The following RNF26 variants were observed in gnomAD, a reference collection of about 807,000 sequenced individuals.
RNF26 encodes the protein E3 ubiquitin-protein ligase RNF26.
RNF26 carries 8 observed loss-of-function variants against 25.4 expected under a neutral mutation model. The observed-to-expected ratio is 0.31, with a 90% confidence interval of 0.18 to 0.57. RNF26 has a LOEUF of 0.57. Ranked by LOEUF, RNF26 falls within the 20% of genes least tolerant of loss-of-function variation. RNF26 has a pLI of 0.90. For missense variants in RNF26, 470 were observed against 552.0 expected (o/e 0.85, Z 1.49); for synonymous variants, 262 against 246.7 (o/e 1.06, Z -0.58).
At position 119,335,527 on chromosome 11, in the gene RNF26, C is replaced by A; in HGVS notation, c.405C>A (p.Asp135Glu). 1 of 1,614,004 alleles carries A rather than the reference C, an allele frequency of 6.2e-7. No homozygotes were observed. Among genetic ancestry groups the A allele is most frequent in the Non-Finnish European group, 8.5e-7 (1 of 1,179,946 alleles). Residue 135 changes from aspartate (D) to glutamate (E), a missense_variant, in exon 1 of 1, where the codon GAC becomes GAA. Transcript: ENST00000311413. ...SGHALLRQAC[D>E]ICAIAMSLVA... ...ATGCTTTGCTGCGCCAGGCCTGTGA[C>A]ATCTGTGCCATTGCCATGAGCCTGG...
Position 119,336,524 on chromosome 11 carries a change from C to A in RNF26, c.*100C>A, listed in dbSNP as rs1267347599. 5.7e-6 allele frequency: 6 copies of A among 1,056,966 alleles called. No homozygotes were observed. The South Asian group carries it at 6.1e-5, about 11-fold the overall frequency. The allele number at this position is 1,056,966 out of a possible 1,614,324, so 65.5% of individuals were successfully genotyped here. On this transcript the variant is annotated 3_prime_UTR_variant, in exon 1 of 1. Coordinates refer to ENST00000311413, the MANE Select transcript of RNF26 (RefSeq NM_032015.5). ...CTCCGGGTCCTGGTCTGAATCCCCT[C>A]CTACCCCTGTGGCCATCCTGCCATA...
In RNF26 at chr11:119,335,250, T is replaced by C; in HGVS notation, c.128T>C (p.Val43Ala). The C allele has an allele frequency of 6.2e-7, 1 of 1,614,154 alleles. No homozygotes were observed. The highest frequency in any genetic ancestry group is 8.5e-7 in the Non-Finnish European group (1 of 1,180,028). The change falls in exon 1 of 1, where the codon GTC (valine) becomes GCC (alanine). Residue 43 changes from valine to alanine, a missense_variant. Val to Ala is a moderately conservative substitution (Grantham distance 64, BLOSUM62 0). Transcript: ENST00000311413. ...LASLAWLLAF[V>A]YNLPHTVLTS... Reference sequence around the variant, plus strand: ...TCCCTGGCCTGGCTCCTGGCCTTCGTCTACAACCTGCCGCACACGGTACTG... The same window carrying C: ...TCCCTGGCCTGGCTCCTGGCCTTCGCCTACAACCTGCCGCACACGGTACTG...
At position 119,336,083 on chromosome 11, in the gene RNF26, A is replaced by T. The variant is rs749532471; in HGVS notation, c.961A>T (p.Arg321Trp). ...QGDPMRVFSV[R>W]TRRQDTLPEA... The stretch of plus-strand genomic sequence containing the variant: ...TGACCCTATGAGGGTATTCTCAGTT[A>T]GGACCCGGAGACAGGACACTCTTCC... Residue 321 changes from arginine (R) to tryptophan (W), a missense_variant, in exon 1 of 1, where the codon AGG (arginine) becomes TGG (tryptophan). Transcript: ENST00000311413. 6.2e-7 allele frequency: 1 copy of T among 1,614,110 alleles called. No individual in the cohort carries two copies. Among genetic ancestry groups the T allele is most frequent in the Admixed American group, 1.7e-5 (1 of 60,024 alleles).
rs374154075 is a variant in RNF26, at chr11:119,335,470, C to T, written c.348C>T (p.His116=). ...CACTGCGGAGCAGGGAGATACTGCACCGGGGCGTCCTCAATGTGGTCTCCA... is the reference window on the plus strand; with the variant it reads ...CACTGCGGAGCAGGGAGATACTGCATCGGGGCGTCCTCAATGTGGTCTCCA... ...HGALRSREIL[H]RGVLNVVSSG... The change falls in exon 1 of 1, where the codon CAC becomes CAT. Residue 116 remains histidine (H), a synonymous_variant. Coordinates refer to ENST00000311413, the MANE Select transcript of RNF26 (RefSeq NM_032015.5). The T allele has an allele frequency of 2.7e-5, 43 of 1,613,254 alleles. No individual in the cohort carries two copies. The highest frequency in any genetic ancestry group is 3.3e-5 in the Non-Finnish European group (39 of 1,179,538).
At position 119,336,401 on chromosome 11, in the gene RNF26, C is replaced by T. The variant is rs1950442011; in HGVS notation, c.1279C>T (p.Gln427Ter). Residue 427 changes from glutamine (Q) to a stop codon, truncating the protein, a stop_gained, in exon 1 of 1, where the codon CAG becomes TAG. Transcript: ENST00000311413. LOFTEE classifies it high-confidence loss of function. ...NCPLCRRGIL[Q>*]TLNVYL ...CCCGCTCTGCCGCCGGGGCATCCTG[C>T]AGACCCTCAATGTCTACCTCTGAAG... 6.2e-7 allele frequency: 1 copy of T among 1,610,582 alleles called. No homozygotes were observed. Among genetic ancestry groups the T allele is most frequent in the African/African-American group, 1.3e-5 (1 of 75,052 alleles).
chr11:119,335,956 T>C lies in RNF26; in HGVS notation c.834T>C (p.Ser278=), dbSNP rs760434486. 3.1e-6 allele frequency: 5 copies of C among 1,611,512 alleles called. No homozygotes were observed. In the East Asian group the frequency reaches 1.1e-4, roughly 36 times the overall value. ...HRLREDVMRL[S]RLALGSEAWR... ...TTCGAGAGGATGTCATGCGGCTCTCTCGCCTAGCACTGGGCTCAGAGGCCT... is the reference window on the plus strand; with the variant it reads ...TTCGAGAGGATGTCATGCGGCTCTCCCGCCTAGCACTGGGCTCAGAGGCCT... Residue 278 remains serine, a synonymous_variant, in exon 1 of 1, where the codon TCT becomes TCC. Transcript: ENST00000311413.
rs184423169 is a variant in RNF26 at position 119,336,517 on chromosome 11, A to G, written c.*93A>G. On this transcript the variant is annotated 3_prime_UTR_variant, in exon 1 of 1. Transcript: ENST00000311413. Reference sequence around the variant, plus strand: ...ACCTCATCTCCGGGTCCTGGTCTGAATCCCCTCCTACCCCTGTGGCCATCC... The same window carrying G: ...ACCTCATCTCCGGGTCCTGGTCTGAGTCCCCTCCTACCCCTGTGGCCATCC... The G allele has an allele frequency of 6.1e-4, 691 of 1,127,356 alleles. 15 individuals carry two copies. In the East Asian group the frequency reaches 0.012, roughly 20 times the overall value. The allele number at this position is 1,127,356 out of a possible 1,614,324, so 69.8% of individuals were successfully genotyped here. A position where few individuals can be genotyped will look rare whatever the true frequency, so the allele number is the denominator to read the frequency against.
rs1412913479 is a variant in RNF26 at position 119,336,820 on chromosome 11, A to C, written c.*396A>C. ...CATTTCCTCCCCAGCTTTTGCGGCCACAACACATCAGTGTCATTTGGGTGT... is the reference window on the plus strand; with the variant it reads ...CATTTCCTCCCCAGCTTTTGCGGCCCCAACACATCAGTGTCATTTGGGTGT... On this transcript the variant is annotated 3_prime_UTR_variant, in exon 1 of 1. Transcript: ENST00000311413. 2.1e-5 allele frequency: 5 copies of C among 235,730 alleles called. No individual in the cohort carries two copies. The highest frequency in any genetic ancestry group is 1.1e-4 in the African/African-American group (5 of 44,120). The allele number at this position is 235,730 out of a possible 1,614,324, so 14.6% of individuals were successfully genotyped here.
Position 119,336,522 on chromosome 11 carries a change from C to T in RNF26, c.*98C>T, listed in dbSNP as rs1217213463. ...ATCTCCGGGTCCTGGTCTGAATCCC[C>T]TCCTACCCCTGTGGCCATCCTGCCA... On this transcript the variant is annotated 3_prime_UTR_variant, in exon 1 of 1. Coordinates refer to ENST00000311413, the MANE Select transcript of RNF26 (RefSeq NM_032015.5). 1.2e-5 allele frequency: 13 copies of T among 1,067,608 alleles called. No homozygotes were observed. The highest frequency in any genetic ancestry group is 1.0e-4 in the East Asian group (4 of 39,410). The allele number at this position is 1,067,608 out of a possible 1,614,324, so 66.1% of individuals were successfully genotyped here. A position where few individuals can be genotyped will look rare whatever the true frequency, so the allele number is the denominator to read the frequency against.
rs777320961 is a variant in RNF26 at position 119,335,749 on chromosome 11, C to T, written c.627C>T (p.Ala209=). 6.2e-7 allele frequency: 1 copy of T among 1,614,208 alleles called. No individual in the cohort carries two copies. The highest frequency in any genetic ancestry group is 1.1e-5 in the South Asian group (1 of 91,086). The part of the protein sequence containing the change: ...AILLWTPCQL[A]LELLASAARL... The stretch of plus-strand genomic sequence containing the variant: ...TCCTTTGGACACCCTGCCAACTAGC[C>T]CTGGAGCTGCTGGCCTCAGCTGCCC... Residue 209 remains alanine, a synonymous_variant, in exon 1 of 1, where the codon GCC becomes GCT. Coordinates refer to ENST00000311413, the MANE Select transcript of RNF26 (RefSeq NM_032015.5).
rs1950433782 is a variant in RNF26 at position 119,335,323 on chromosome 11, C to T, written c.201C>T (p.Ala67=). ...GCGGAGTCTTGCTTTCATTGCTGGC[C>T]TTGATCGAAGCCGTGGTCCGGTTCA... The part of the protein sequence containing the change: ...LGRGVLLSLL[A]LIEAVVRFTC... The change falls in exon 1 of 1, where the codon GCC becomes GCT. Residue 67 remains alanine, a synonymous_variant. Coordinates refer to ENST00000311413, the MANE Select transcript of RNF26 (RefSeq NM_032015.5). 3 of 1,614,192 alleles carry T rather than the reference C, an allele frequency of 1.9e-6. No individual in the cohort carries two copies. The highest frequency in any genetic ancestry group is 2.5e-6 in the Non-Finnish European group (3 of 1,180,036).
At position 119,336,251 on chromosome 11, in the gene RNF26, CG is replaced by C; in HGVS notation, c.1131del (p.Lys378ArgfsTer31). 1 of 1,613,826 alleles carries C rather than the reference CG, an allele frequency of 6.2e-7. No homozygotes were observed. The highest frequency in any genetic ancestry group is 8.5e-7 in the Non-Finnish European group (1 of 1,180,028). ...GAAATTGCTGAAGGAGCAAGAGGAG[CG>C]GAAGAAGTGTGTCATCTGCCAGGAC... ...PWKLLKEQEE[R>X]KKCVICQDQS... On this transcript the variant is annotated frameshift_variant, in exon 1 of 1. Coordinates refer to ENST00000311413, the MANE Select transcript of RNF26 (RefSeq NM_032015.5). LOFTEE classifies it high-confidence loss of function.
Position 119,336,411 on chromosome 11 carries a change from A to G in RNF26, c.1289A>G (p.Asn430Ser), listed in dbSNP as rs750621671. 1.5e-5 allele frequency: 24 copies of G among 1,609,782 alleles called. No homozygotes were observed. The highest frequency in any genetic ancestry group is 3.3e-4 in the Middle Eastern group (2 of 6,042). Reference sequence around the variant, plus strand: ...CGCCGGGGCATCCTGCAGACCCTCAATGTCTACCTCTGAAGCCTCCTTCCC... The same window carrying G: ...CGCCGGGGCATCCTGCAGACCCTCAGTGTCTACCTCTGAAGCCTCCTTCCC... ...LCRRGILQTL[N>S]VYL Residue 430 changes from asparagine to serine, a missense_variant, in exon 1 of 1, where the codon AAT (asparagine) becomes AGT (serine). By Grantham distance (46) the Asn-to-Ser change is conservative. Coordinates refer to ENST00000311413, the MANE Select transcript of RNF26 (RefSeq NM_032015.5).
rs1950445147 is a variant in RNF26, at chr11:119,336,944, C to G, written c.*520C>G. The G allele has an allele frequency of 5.8e-6, 1 of 173,822 alleles. No individual in the cohort carries two copies. Among genetic ancestry groups the G allele is most frequent in the South Asian group, 1.8e-4 (1 of 5,506 alleles). The allele number at this position is 173,822 out of a possible 1,614,324, so 10.8% of individuals were successfully genotyped here. A position where few individuals can be genotyped will look rare whatever the true frequency, so the allele number is the denominator to read the frequency against. On this transcript the variant is annotated 3_prime_UTR_variant, in exon 1 of 1. Coordinates refer to ENST00000311413, the MANE Select transcript of RNF26 (RefSeq NM_032015.5). Reference sequence around the variant, plus strand: ...TTGGGGTTAGTATCTCTCGGGTGCCCTCAGAGCCACCTCTGCCTGTGATCG... The same window carrying G: ...TTGGGGTTAGTATCTCTCGGGTGCCGTCAGAGCCACCTCTGCCTGTGATCG...
At position 119,334,563 on chromosome 11, in the gene RNF26, G is replaced by C. The variant is rs544095605; in HGVS notation, c.-560G>C. 1.2e-5 allele frequency: 2 copies of C among 161,788 alleles called. No individual in the cohort carries two copies. Among genetic ancestry groups the C allele is most frequent in the Non-Finnish European group, 2.8e-5 (2 of 72,540 alleles). 10.0% of individuals were successfully genotyped at this position (161,788 alleles called of 1,614,324 possible). ...CGGCGCCCAGCGGAGTAGGGGCTGC[G>C]CTTGGGGTTTGCTGAAGCTGGCTGC... On this transcript the variant is annotated 5_prime_UTR_variant, in exon 1 of 1. Coordinates refer to ENST00000311413, the MANE Select transcript of RNF26 (RefSeq NM_032015.5).
Position 119,336,739 on chromosome 11 carries a change from T to G in RNF26, c.*315T>G. ...ACCCAGATGCCTCTGGGGTTACCCC[T>G]GTCTGCTTCTGGTTTTTCTGTTGGA... On this transcript the variant is annotated 3_prime_UTR_variant, in exon 1 of 1. Coordinates refer to ENST00000311413, the MANE Select transcript of RNF26 (RefSeq NM_032015.5). 1 of 379,762 alleles carries G rather than the reference T, an allele frequency of 2.6e-6. No individual in the cohort carries two copies. Among genetic ancestry groups the G allele is most frequent in the South Asian group, 5.8e-5 (1 of 17,100 alleles). 23.5% of individuals were successfully genotyped at this position (379,762 alleles called of 1,614,324 possible).
rs199687795 is a variant in RNF26 at position 119,335,863 on chromosome 11, G to A, written c.741G>A (p.Pro247=). 101 of 1,609,974 alleles carry A rather than the reference G, an allele frequency of 6.3e-5. No individual in the cohort carries two copies. The East Asian group carries it at 1.2e-3, about 19-fold the overall frequency. Reference sequence around the variant, plus strand: ...CAGTGACGGTGACTGTGTTGCATCCGGACTTCACCCTGAGGCTGGCTACCC... The same window carrying A: ...CAGTGACGGTGACTGTGTTGCATCCAGACTTCACCCTGAGGCTGGCTACCC... ...VLAVTVTVLH[P]DFTLRLATQA... is the part of the protein sequence containing the mutation. The change falls in exon 1 of 1, where the codon CCG becomes CCA. Residue 247 remains proline, a synonymous_variant. Coordinates refer to ENST00000311413, the MANE Select transcript of RNF26 (RefSeq NM_032015.5).
Position 119,335,958 on chromosome 11 carries a change from G to A in RNF26, c.836G>A (p.Arg279His), listed in dbSNP as rs753391065. 8 of 1,611,584 alleles carry A rather than the reference G, an allele frequency of 5.0e-6. No individual in the cohort carries two copies. The Admixed American group carries it at 5.0e-5, about 10-fold the overall frequency. ...RLREDVMRLS[R>H]LALGSEAWRR... ...CGAGAGGATGTCATGCGGCTCTCTC[G>A]CCTAGCACTGGGCTCAGAGGCCTGG... The change falls in exon 1 of 1, where the codon CGC (arginine) becomes CAC (histidine). Residue 279 changes from arginine (R) to histidine (H), a missense_variant. Transcript: ENST00000311413.
rs1950443519 is a variant in RNF26 at position 119,336,617 on chromosome 11, C to CA, written c.*194dup. The CA allele has an allele frequency of 3.2e-5, 20 of 617,118 alleles. No homozygotes were observed. The highest frequency in any genetic ancestry group is 5.6e-5 in the Non-Finnish European group (19 of 340,756). 38.2% of individuals were successfully genotyped at this position (617,118 alleles called of 1,614,324 possible). On this transcript the variant is annotated 3_prime_UTR_variant, in exon 1 of 1. Coordinates refer to ENST00000311413, the MANE Select transcript of RNF26 (RefSeq NM_032015.5). ...CAGGATAACATGGCTTCTCTTTACC[C>CA]AGTGGGTCCCTTCGATGCTGAGGGT...
Sources: gnomAD v4.1 joint callset for allele counts on GRCh38, gnomAD v4.1.1 for gene constraint, MANE v1.5 for transcripts, NCBI Gene and HGNC (gene_info 2026-07-23, HGNC 2026-07-21) for gene names.